ELFN1: variants seen among roughly 807,000 people sequenced by gnomAD.
The protein encoded by ELFN1 is extracellular leucine rich repeat and fibronectin type III domain containing 1.
In ELFN1, 6 loss-of-function variants were observed where a neutral mutation model predicts 7.6. The observed-to-expected ratio is 0.79, with a 90% confidence interval of 0.43 to 1.56. ELFN1 has a LOEUF of 1.56. ELFN1 is among the 40% of genes most tolerant of loss of function. ELFN1 has a pLI of 0.01. For synonymous variants in ELFN1, 657 were observed against 588.1 expected (o/e 1.12, Z -1.70); for missense variants, 1,169 against 1,232.2 (o/e 0.95, Z 0.77).
At chr7:1,722,173 CT>C (rs1266149464) in intron 3 of ELFN1, among the ~76,000 whole-genome samples, 1 of 152,100 alleles carries the variant, frequency 6.6e-6, no homozygotes, top group East Asian at 1.9e-4. Flanking sequence ...CCTACCTAGA[CT>C]TACCAAATCA....
At position 1,678,788 on chromosome 7, in the gene ELFN1, C is replaced by T. The variant is rs1017817415; in HGVS notation, c.-549+8434C>T. Among the ~76,000 whole-genome samples, 5 of 152,224 alleles carry T rather than the reference C, an allele frequency of 3.3e-5. No individual in the cohort carries two copies. The South Asian group carries it at 8.3e-4, about 25-fold the overall frequency. On this transcript the variant is annotated intron_variant, in intron 1 of 3. Coordinates refer to ENST00000424383, the MANE Select transcript of ELFN1 (RefSeq NM_001128636.4). The stretch of plus-strand genomic sequence containing the variant: ...GGTGCCAGAGCATCCCCCATCTCTG[C>T]GACAGTCTTGGTGACTACCCGGCTT...
At position 1,679,550 on chromosome 7, in the gene ELFN1, C is replaced by G. The variant is rs577903651; in HGVS notation, c.-548-8508C>G. ...GGAGGGGAAACTGAGGCCCAGGCTG[C>G]TGCCTCAGCCCCGTCCCTACCGAGC... On this transcript the variant is annotated intron_variant, in intron 1 of 3. Coordinates refer to ENST00000424383, the MANE Select transcript of ELFN1 (RefSeq NM_001128636.4). Among the ~76,000 whole-genome samples, 25 of 152,288 alleles carry G rather than the reference C, an allele frequency of 1.6e-4. No individual in the cohort carries two copies. In the South Asian group the frequency reaches 3.5e-3, roughly 21 times the overall value.
At chr7:1,698,119 CT>C (rs1779356571) in intron 2 of ELFN1, among the ~76,000 whole-genome samples, 1 of 152,216 alleles carries the variant, frequency 6.6e-6, no homozygotes, top group African/African-American at 2.4e-5. Context: ...TCTAGGTATC[CT>C]TTTTTTCATA....
At chr7:1,725,236 G>A (rs1006667364) in intron 3 of ELFN1, among the ~76,000 whole-genome samples, 2 of 152,242 alleles carry the variant, frequency 1.3e-5, no homozygotes, top group Non-Finnish European at 2.9e-5. Context: ...AGGGAAGAAG[G>A]AACCCAGGGA....
At chr7:1,718,104 G>A (rs1004453821) in intron 3 of ELFN1, among the ~76,000 whole-genome samples, 31 of 152,234 alleles carry the variant, frequency 2.0e-4, no homozygotes, top group East Asian at 1.5e-3. Flanking sequence ...GGCTGCTCCC[G>A]CTCCCACCAT....
At chr7:1,675,943 G>A (rs982982787) in intron 1 of ELFN1, among the ~76,000 whole-genome samples, 1 of 152,232 alleles carries the variant, frequency 6.6e-6, no homozygotes, top group Non-Finnish European at 1.5e-5. Flanking sequence ...CAAGGGGCTG[G>A]GGACCCTCAG....
intron 3 of ELFN1, among the ~76,000 whole-genome samples, chr7:1,741,770 G>A (rs887723782): frequency 6.6e-6 from 1 of 151,986 alleles, no homozygotes; most frequent in African/African-American, 2.4e-5. Flanking sequence ...GAAATCTGGG[G>A]GGCTCCGAGC....
intron 1 of ELFN1, among the ~76,000 whole-genome samples, chr7:1,675,317 G>A (rs1290693944): frequency 6.6e-6 from 1 of 152,230 alleles, no homozygotes; most frequent in African/African-American, 2.4e-5. Flanking sequence ...CCAGGTGGCG[G>A]CCGAGGGCTC....
intron 3 of ELFN1, among the ~76,000 whole-genome samples, chr7:1,741,569 G>T (rs940132212): frequency 6.6e-6 from 1 of 152,196 alleles, no homozygotes; most frequent in Admixed American, 6.5e-5. Context: ...ACTCACAATG[G>T]GGGGAGTGGG....
intron 3 of ELFN1, among the ~76,000 whole-genome samples, chr7:1,713,733 C>T (rs554172674): frequency 8.1e-4 from 124 of 152,278 alleles, no homozygotes; most frequent in African/African-American, 2.9e-3. Context: ...CCGTAGGTCT[C>T]GGTTTCCCTC....
At position 1,744,776 on chromosome 7, in the gene ELFN1, C is replaced by T. The variant is rs368018088; in HGVS notation, c.180C>T (p.Ser60=). Residue 60 remains serine, a synonymous_variant, in exon 4 of 4, where the codon AGC becomes AGT. Transcript: ENST00000424383. ...AGGCCATCCCACAGCAGATCAACAG[C>T]ACCATCGTGGACCTGCGGCTCAACG... ...PYEAIPQQIN[S]TIVDLRLNEN... is the part of the protein sequence containing the mutation. 87 of 1,555,324 alleles carry T rather than the reference C, an allele frequency of 5.6e-5. No individual in the cohort carries two copies. The highest frequency in any genetic ancestry group is 1.4e-5 in the Non-Finnish European group (16 of 1,149,020).
intron 3 of ELFN1, among the ~76,000 whole-genome samples, chr7:1,729,312 C>G (rs1025280027): frequency 6.6e-6 from 1 of 152,224 alleles, no homozygotes; most frequent in Non-Finnish European, 1.5e-5. Context: ...AGTCCTGCAC[C>G]CCGGGGCTCA....
At chr7:1,729,777 TC>T (rs1161901230) in intron 3 of ELFN1, among the ~76,000 whole-genome samples, 1 of 152,202 alleles carries the variant, frequency 6.6e-6, no homozygotes. Context: ...CCTATTTACT[TC>T]CTGCGTCTGT....
In ELFN1 at chr7:1,705,551, G is replaced by A. The variant is rs1779513948; in HGVS notation, c.-455-3540G>A. Among the ~76,000 whole-genome samples the A allele has an allele frequency of 6.6e-6, 1 of 152,208 alleles. No individual in the cohort carries two copies. Among genetic ancestry groups the A allele is most frequent in the African/African-American group, 2.4e-5 (1 of 41,462 alleles). ...GGCCCCCCTTCCGACGGCACACAGT[G>A]GGCACCTCAGATGGCAGGCCTCACA... On this transcript the variant is annotated intron_variant, in intron 2 of 3. Coordinates refer to ENST00000424383, the MANE Select transcript of ELFN1 (RefSeq NM_001128636.4). The surrounding 1 kb of genome is among the most constrained non-coding windows in gnomAD (Gnocchi z 4.3).
intron 3 of ELFN1, among the ~76,000 whole-genome samples, chr7:1,724,197 C>T (rs932583974): frequency 3.3e-5 from 5 of 152,218 alleles, no homozygotes; most frequent in African/African-American, 7.2e-5. Flanking sequence ...CAGTGCCTGG[C>T]GCGTGGTAGG....
chr7:1,720,302 G>C (rs549728851), intron 3 of ELFN1, among the ~76,000 whole-genome samples: 1 of 152,298 alleles, frequency 6.6e-6, no homozygotes. Context: ...GTGGGCAGAC[G>C]TCTCCACAGT....
intron 3 of ELFN1, among the ~76,000 whole-genome samples, chr7:1,710,765 G>T (rs538448199): frequency 6.6e-6 from 1 of 152,342 alleles, no homozygotes; most frequent in Non-Finnish European, 1.5e-5. Flanking sequence ...TCCCTGCCCA[G>T]GCCCCAGCCC....
rs747802275 is a variant in ELFN1, at chr7:1,746,075, C to T, written c.1479C>T (p.Ala493=). 2.3e-5 allele frequency: 36 copies of T among 1,547,030 alleles called. 1 individual carries two copies. Among genetic ancestry groups the T allele is most frequent in the South Asian group, 1.4e-4 (12 of 83,884 alleles). The change falls in exon 4 of 4, where the codon GCC becomes GCT. Residue 493 remains alanine, a synonymous_variant. Coordinates refer to ENST00000424383, the MANE Select transcript of ELFN1 (RefSeq NM_001128636.4). ...LSQGPLLGPE[A]VTRIPYLPAA... is the part of the protein sequence containing the mutation. ...AGGGCCCGCTGCTGGGCCCCGAGGC[C>T]GTGACGCGCATCCCTTACCTGCCTG...
At chr7:1,726,104 C>T (rs1780188962) in intron 3 of ELFN1, among the ~76,000 whole-genome samples, 1 of 152,154 alleles carries the variant, frequency 6.6e-6, no homozygotes, top group South Asian at 2.1e-4. Context: ...CATACACACG[C>T]ACTATTCTCT....
Sources: allele counts gnomAD v4.1 joint callset (sites outside exome capture counted in the v4.1 genomes callset), GRCh38; gene constraint gnomAD v4.1.1; non-coding constraint Gnocchi (gnomAD v3.1); transcripts MANE v1.5; gene names NCBI Gene and HGNC (gene_info 2026-07-23, HGNC 2026-07-21).